The following ACTR2 variants were observed in gnomAD, a reference collection of about 807,000 sequenced individuals.
ACTR2 encodes the protein actin related protein 2, also known as actin-related protein 2.
A neutral mutation model predicts 50.2 loss-of-function variants in ACTR2; 5 were observed. That is an observed-to-expected ratio of 0.10 (90% confidence interval 0.05 to 0.21). The LOEUF is 0.21. Among genes scored for constraint, ACTR2 ranks in the 10% least tolerant of loss-of-function variants. The probability of loss-of-function intolerance (pLI) is 1.00; values close to 1 mark genes in which losing one functional copy is unlikely to be tolerated. For missense variants in ACTR2, 180 were observed against 480.6 expected, an observed-to-expected ratio of 0.37 and a Z score of 5.85; for synonymous variants, 140 against 162.9, an observed-to-expected ratio of 0.86 and a Z score of 1.07.
intron 4 of ACTR2, among the ~76,000 whole-genome samples, chr2:65,252,070 T>G (rs1018151517): frequency 3.3e-5 from 5 of 151,578 alleles, no homozygotes; most frequent in African/African-American, 7.3e-5. Context: ...ATGGGTCAAG[T>G]GTGTTTGGAG....
At chr2:65,236,554 G>C (rs935731886) in intron 1 of ACTR2, among the ~76,000 whole-genome samples, 2 of 151,532 alleles carry the variant, frequency 1.3e-5, no homozygotes, top group African/African-American at 4.9e-5. Flanking sequence ...TTTGTTGTTG[G>C]TTTTTTGTTT....
In ACTR2 at chr2:65,270,929, C is replaced by T. The variant is rs184453141; in HGVS notation, c.*2195C>T. On this transcript the variant is annotated 3_prime_UTR_variant, in exon 9 of 9. Transcript: ENST00000260641. ...AAAAAAAAAATTCTGTTTTAAAAAG[C>T]AATCTGATTCTTAGCTCTTGAAACT... is the stretch of plus-strand genomic sequence containing the variant. 436 of 151,538 alleles carry T rather than the reference C, an allele frequency of 2.9e-3. 1 individual carries two copies. The highest frequency in any genetic ancestry group is 0.01 in the African/African-American group (424 of 41,362). The allele number at this position is 151,538 out of a possible 1,614,324, so 9.4% of individuals were successfully genotyped here.
At chr2:65,263,160 A>G (rs1334660135) in intron 7 of ACTR2, among the ~76,000 whole-genome samples, 1 of 151,092 alleles carries the variant, frequency 6.6e-6, no homozygotes, top group African/African-American at 2.4e-5. Flanking sequence ...CCTCCCAAGT[A>G]GCTGGAATTG....
intron 1 of ACTR2, among the ~76,000 whole-genome samples, chr2:65,231,467 T>G (rs1295660556): frequency 6.6e-6 from 1 of 152,224 alleles, no homozygotes; most frequent in Non-Finnish European, 1.5e-5. Flanking sequence ...TATTCAGATG[T>G]AATTTTGCAA....
intron 4 of ACTR2, among the ~76,000 whole-genome samples, chr2:65,253,147 A>T (rs1345662594): frequency 1.3e-5 from 2 of 152,206 alleles, no homozygotes; most frequent in African/African-American, 4.8e-5. Flanking sequence ...CAGAGCTTTA[A>T]GAACGTGTTC....
In ACTR2 at chr2:65,268,831, CTCTCTGCCCT is replaced by C. The variant is rs1672433707; in HGVS notation, c.*99_*108del. ...CAACTCCAGGACATGGAAGAGGCCT[CTCTCTGCCCT>C]TTGACTGGAAAGGTCAAGTTTTATT... On this transcript the variant is annotated 3_prime_UTR_variant, in exon 9 of 9. Coordinates refer to ENST00000260641, the MANE Select transcript of ACTR2 (RefSeq NM_005722.4). The C allele has an allele frequency of 7.7e-7, 1 of 1,298,112 alleles. No homozygotes were observed. Among genetic ancestry groups the C allele is most frequent in the African/African-American group, 1.5e-5 (1 of 66,918 alleles). The allele number at this position is 1,298,112 out of a possible 1,614,324, so 80.4% of individuals were successfully genotyped here.
intron 6 of ACTR2, among the ~76,000 whole-genome samples, chr2:65,260,934 GT>G (rs1672257871): frequency 6.6e-6 from 1 of 151,952 alleles, no homozygotes. Context: ...GTTTCATTGT[GT>G]TAGTCAGGAT....
chr2:65,262,017 T>C (rs1421312997), intron 7 of ACTR2, among the ~76,000 whole-genome samples: 1 of 152,240 alleles, frequency 6.6e-6, no homozygotes, highest in East Asian at 1.9e-4. Context: ...TTTCCATTTG[T>C]ATGTCTTTTG....
Position 65,270,457 on chromosome 2 carries a change from C to A in ACTR2, c.*1723C>A, listed in dbSNP as rs1326407366. On this transcript the variant is annotated 3_prime_UTR_variant, in exon 9 of 9. Coordinates refer to ENST00000260641, the MANE Select transcript of ACTR2 (RefSeq NM_005722.4). ...GAACCCTGAATAGCCCGTACTAGAT[C>A]TTGGGAACATGGATCTTAGAGTCAC... 3 of 152,614 alleles carry A rather than the reference C, an allele frequency of 2.0e-5. No individual in the cohort carries two copies. Among genetic ancestry groups the A allele is most frequent in the African/African-American group, 4.8e-5 (2 of 41,438 alleles). 9.5% of individuals were successfully genotyped at this position (152,614 alleles called of 1,614,324 possible).
rs1672456436 is a variant in ACTR2, at chr2:65,269,751, T to G, written c.*1017T>G. The G allele has an allele frequency of 6.6e-6, 1 of 152,228 alleles. No individual in the cohort carries two copies. Among genetic ancestry groups the G allele is most frequent in the East Asian group, 1.9e-4 (1 of 5,202 alleles). The allele number at this position is 152,228 out of a possible 1,614,324, so 9.4% of individuals were successfully genotyped here. A position where few individuals can be genotyped will look rare whatever the true frequency, so the allele number is the denominator to read the frequency against. On this transcript the variant is annotated 3_prime_UTR_variant, in exon 9 of 9. Coordinates refer to ENST00000260641, the MANE Select transcript of ACTR2 (RefSeq NM_005722.4). ...AATAAAACAAGCAGGTACTTACAAATAATTACTGGCAGTAGGTTATAATTG... is the reference window on the plus strand; with the variant it reads ...AATAAAACAAGCAGGTACTTACAAAGAATTACTGGCAGTAGGTTATAATTG...
At chr2:65,260,729 CT>C (rs34258160) in intron 6 of ACTR2, among the ~76,000 whole-genome samples, 287 of 132,118 alleles carry the variant, frequency 2.2e-3, no homozygotes, top group African/African-American at 3.9e-3. Flanking sequence ...CGTGGCATAC[CT>C]TTTTTTTTTT....
intron 2 of ACTR2, chr2:65,242,088 T>A: frequency 6.4e-7 from 1 of 1,559,978 alleles, no homozygotes; most frequent in Non-Finnish European, 8.8e-7. Flanking sequence ...ACACATGCTC[T>A]GTTTGTTTTC....
Position 65,251,118 on chromosome 2 carries a change from T to C in ACTR2, c.448+19T>C. On this transcript the variant is annotated intron_variant, in intron 4 of 8. Transcript: ENST00000260641. ...GCTCAAGGTAGGTTAAGCTTAACTGTTAGAAAAAACACTTCATCAAACATT... is the reference window on the plus strand; with the variant it reads ...GCTCAAGGTAGGTTAAGCTTAACTGCTAGAAAAAACACTTCATCAAACATT... 1 of 1,554,674 alleles carries C rather than the reference T, an allele frequency of 6.4e-7. No individual in the cohort carries two copies.
At chr2:65,247,420 C>T (rs767229881) in intron 3 of ACTR2, among the ~76,000 whole-genome samples, 52 of 152,042 alleles carry the variant, frequency 3.4e-4, no homozygotes, top group South Asian at 1.7e-3. Context: ...AACTCCGTCT[C>T]TACTAAAAAT....
At chr2:65,253,511 C>T (rs1672092029) in intron 4 of ACTR2, among the ~76,000 whole-genome samples, 1 of 150,428 alleles carries the variant, frequency 6.6e-6, no homozygotes, top group South Asian at 2.1e-4. Flanking sequence ...TTCTTCTCAT[C>T]TCCTTGGACA....
chr2:65,267,129 T>TA (rs1158081883), intron 8 of ACTR2, among the ~76,000 whole-genome samples: 1 of 152,210 alleles, frequency 6.6e-6, no homozygotes, highest in African/African-American at 2.4e-5. Flanking sequence ...AAGTTTCCCT[T>TA]AGAGTAGAGG....
chr2:65,265,646 G>A (rs3771100), intron 8 of ACTR2, among the ~76,000 whole-genome samples: 26,439 of 152,116 alleles, frequency 0.17, 3,023 homozygotes, highest in Middle Eastern at 0.26. Flanking sequence ...TTTGCATTCC[G>A]GTGACTGTCA....
chr2:65,263,312 A>G (rs1029260875), intron 7 of ACTR2, among the ~76,000 whole-genome samples: 5 of 93,032 alleles, frequency 5.4e-5, no homozygotes, highest in Non-Finnish European at 1.2e-4. Context: ...GCTTTCTGAT[A>G]TCTTTCACAG....
At chr2:65,235,648 A>T (rs527683795) in intron 1 of ACTR2, among the ~76,000 whole-genome samples, 2 of 152,198 alleles carry the variant, frequency 1.3e-5, no homozygotes, top group South Asian at 4.2e-4. Flanking sequence ...CCATCTACTC[A>T]GGAGGCTGAG....
Sources: allele counts gnomAD v4.1 joint callset (sites outside exome capture counted in the v4.1 genomes callset), GRCh38; gene constraint gnomAD v4.1.1; transcripts MANE v1.5; gene names NCBI Gene and HGNC (gene_info 2026-07-23, HGNC 2026-07-21).